The following C16orf87 variants were observed in gnomAD, a reference collection of about 807,000 sequenced individuals.
The protein encoded by C16orf87 is HDAC and MIER1 interacting protein 1.
Under a neutral mutation model 21.0 loss-of-function variants are expected in C16orf87, and 13 were observed. The observed-to-expected ratio is 0.62, with a 90% CI of 0.40 to 0.98. C16orf87 has a LOEUF of 0.98. C16orf87 is among the 50% of genes least tolerant of loss of function. The pLI, the probability that C16orf87 is intolerant of heterozygous loss-of-function variation, is 0.00. For missense variants in C16orf87, 113 were observed against 180.4 expected (o/e 0.63, Z 2.14); for synonymous variants, 49 against 60.2 (o/e 0.81, Z 0.86).
intron 1 of C16orf87, among the ~76,000 whole-genome samples, chr16:46,829,462 G>A (rs1959761380): frequency 6.6e-6 from 1 of 152,026 alleles, no homozygotes; most frequent in Non-Finnish European, 1.5e-5. Context: ...TTTCCCAAAA[G>A]GTTGCTTTAT....
At chr16:46,804,607 T>C (rs8051017) in intron 3 of C16orf87, among the ~76,000 whole-genome samples, 26,781 of 152,212 alleles carry the variant, frequency 0.18, 2,945 homozygotes, top group African/African-American at 0.3. Context: ...TAGTTATTTT[T>C]AAAATCAATG....
intron 2 of C16orf87, among the ~76,000 whole-genome samples, chr16:46,823,336 G>C (rs1959493232): frequency 6.6e-6 from 1 of 152,166 alleles, no homozygotes. Flanking sequence ...CCAAGGCTTG[G>C]AATAGTGTCT....
intron 2 of C16orf87, among the ~76,000 whole-genome samples, chr16:46,817,505 T>C (rs141935139): frequency 4.5e-4 from 68 of 152,042 alleles, no homozygotes; most frequent in African/African-American, 1.5e-3. Context: ...CTTACCAACA[T>C]AGAGAAACCC....
At chr16:46,811,971 T>C (rs889269453) in intron 2 of C16orf87, among the ~76,000 whole-genome samples, 2 of 151,966 alleles carry the variant, frequency 1.3e-5, no homozygotes, top group Non-Finnish European at 1.5e-5. Context: ...TGACAGGGTG[T>C]GGTGGCTCAC....
chr16:46,804,682 A>C (rs1967872756), intron 3 of C16orf87, among the ~76,000 whole-genome samples: 1 of 152,220 alleles, frequency 6.6e-6, no homozygotes. Flanking sequence ...TCTGACAAAC[A>C]TATACAAACA....
At chr16:46,809,391 CCTAA>C (rs1320064472) in intron 3 of C16orf87, among the ~76,000 whole-genome samples, 1 of 151,702 alleles carries the variant, frequency 6.6e-6, no homozygotes, top group Non-Finnish European at 1.5e-5. Flanking sequence ...GTAAATTTTA[CCTAA>C]CTAAGCCTTC....
intron 2 of C16orf87, among the ~76,000 whole-genome samples, chr16:46,811,505 A>G (rs2143086961): frequency 1.1e-5 from 1 of 92,282 alleles, no homozygotes; most frequent in East Asian, 4.1e-4. Flanking sequence ...TCCATCTCAA[A>G]AAAAAAAAAA....
intron 2 of C16orf87, among the ~76,000 whole-genome samples, chr16:46,818,329 TTAAC>T (rs1959277886): frequency 6.6e-6 from 1 of 152,226 alleles, no homozygotes; most frequent in African/African-American, 2.4e-5. Context: ...TTTTTTTCCC[TTAAC>T]TAAAAGTGAA....
intron 2 of C16orf87, among the ~76,000 whole-genome samples, chr16:46,817,637 G>A (rs1007043807): frequency 5.3e-5 from 8 of 151,902 alleles, no homozygotes; most frequent in Non-Finnish European, 8.8e-5. Context: ...GCAGTAAGCC[G>A]ATATCAGGCC....
At chr16:46,827,049 C>T (rs1440154929) in intron 1 of C16orf87, among the ~76,000 whole-genome samples, 1 of 152,186 alleles carries the variant, frequency 6.6e-6, no homozygotes, top group Non-Finnish European at 1.5e-5. Context: ...ACCCAGAATG[C>T]ACAAACACTG....
chr16:46,819,983 CA>C (rs978887354), intron 2 of C16orf87, among the ~76,000 whole-genome samples: 30 of 141,618 alleles, frequency 2.1e-4, no homozygotes, highest in African/African-American at 3.1e-4. Context: ...GACTCCATCT[CA>C]AAAAAAAAAA....
chr16:46,802,896 T>C lies in C16orf87; in HGVS notation c.*56A>G. ...ATGCTCCTGAGAGTCCATAACTGTT[T>C]GAGAATTTGCTGATGTTATCCTGAC... On this transcript the variant is annotated 3_prime_UTR_variant, in exon 4 of 4. Transcript: ENST00000285697. 1.2e-6 allele frequency: 1 copy of C among 834,506 alleles called. No homozygotes were observed. Among genetic ancestry groups the C allele is most frequent in the Non-Finnish European group, 2.1e-6 (1 of 479,852 alleles). The allele number at this position is 834,506 out of a possible 1,614,324, so 51.7% of individuals were successfully genotyped here. A position where few individuals can be genotyped will look rare whatever the true frequency, so the allele number is the denominator to read the frequency against.
intron 3 of C16orf87, among the ~76,000 whole-genome samples, chr16:46,805,187 T>C (rs950948061): frequency 6.6e-6 from 1 of 152,186 alleles, no homozygotes; most frequent in Non-Finnish European, 1.5e-5. Context: ...GTTAAAGTCG[T>C]TGATGACTTC....
chr16:46,831,015 G>A lies in C16orf87; in HGVS notation c.66+69C>T, dbSNP rs577027632. The A allele has an allele frequency of 4.9e-5, 63 of 1,293,306 alleles. 1 individual carries two copies. The South Asian group carries it at 7.1e-4, about 15-fold the overall frequency. The allele number at this position is 1,293,306 out of a possible 1,614,324, so 80.1% of individuals were successfully genotyped here. On this transcript the variant is annotated intron_variant, in intron 1 of 3. Transcript: ENST00000285697. ...GCTCGGCCTCCGGGAGCCCGGCGAG[G>A]CCCCCCTCCACAGACAACGGCCGCC...
intron 2 of C16orf87, 33 bp downstream of exon 2, chr16:46,824,353 A>C (rs1959533672): frequency 1.0e-6 from 1 of 961,136 alleles, no homozygotes; most frequent in East Asian, 2.5e-5. Flanking sequence ...TTTCTACATC[A>C]AAAAGCTAAA....
intron 3 of C16orf87, among the ~76,000 whole-genome samples, chr16:46,804,513 G>A (rs1967866866): frequency 6.6e-6 from 1 of 152,196 alleles, no homozygotes; most frequent in Non-Finnish European, 1.5e-5. Context: ...GTATAGACTT[G>A]TAGGTTTCCG....
At position 46,803,062 on chromosome 16, in the gene C16orf87, C is replaced by A; in HGVS notation, c.355G>T (p.Glu119Ter). 6.5e-7 allele frequency: 1 copy of A among 1,547,112 alleles called. No individual in the cohort carries two copies. ...KKHEEEREKQ[E>*]KEIDIYANLS... ...TTAGCATAGATGTCAATTTCCTTTT[C>A]CTGTTTCTCTGTTAAAAGAAAAAGG... Residue 119 changes from glutamate to a stop codon, truncating the protein, a stop_gained, in exon 4 of 4, where the codon GAA (glutamate) becomes TAA (stop). Coordinates refer to ENST00000285697, the MANE Select transcript of C16orf87 (RefSeq NM_001001436.4). LOFTEE classifies it high-confidence loss of function.
intron 2 of C16orf87, among the ~76,000 whole-genome samples, chr16:46,811,770 A>G (rs1372272997): frequency 6.6e-6 from 1 of 152,126 alleles, no homozygotes. Context: ...ATAATAGATA[A>G]TAAGAGGGTT....
rs1017068883 is a variant in C16orf87, at chr16:46,797,316, G to A, written c.*5636C>T. On this transcript the variant is annotated 3_prime_UTR_variant, in exon 4 of 4. Coordinates refer to ENST00000285697, the MANE Select transcript of C16orf87 (RefSeq NM_001001436.4). ...TTAAAAATATCTATGATAGTTGTAA[G>A]GAAAAAATACATTATCTGATGAGTC... The A allele has an allele frequency of 3.3e-5, 5 of 152,060 alleles. No homozygotes were observed. The highest frequency in any genetic ancestry group is 7.4e-5 in the Non-Finnish European group (5 of 67,990). The allele number at this position is 152,060 out of a possible 1,614,324, so 9.4% of individuals were successfully genotyped here.
Sources: allele counts gnomAD v4.1 joint callset (sites outside exome capture counted in the v4.1 genomes callset), GRCh38; gene constraint gnomAD v4.1.1; transcripts MANE v1.5; gene names NCBI Gene and HGNC (gene_info 2026-07-23, HGNC 2026-07-21).